The following GLT1D1 variants were observed in gnomAD, a reference collection of about 807,000 sequenced individuals.
The protein encoded by GLT1D1 is glycosyltransferase 1 domain containing 1, also known as glycosyltransferase 1 domain-containing protein 1.
A neutral mutation model predicts 28.7 loss-of-function variants in GLT1D1; 21 were observed. The ratio of observed to expected loss-of-function variants is 0.73; its 90% CI spans 0.52 to 1.05. The LOEUF is 1.05. Ranked by LOEUF, GLT1D1 falls within the 50% of genes least tolerant of loss-of-function variation. The pLI is 0.00. For synonymous variants in GLT1D1, 147 were observed against 124.8 expected (o/e 1.18, Z -1.19); for missense variants, 343 against 330.6 (o/e 1.04, Z -0.29).
chr12:128,913,686 CT>C (rs1348770808), intron 4 of GLT1D1, among the ~76,000 whole-genome samples: 4 of 152,204 alleles, frequency 2.6e-5, no homozygotes, highest in African/African-American at 7.2e-5. Flanking sequence ...TCAGGCGCAC[CT>C]TAGTGAGGCA....
chr12:128,978,187 G>C (rs141652009), intron 7 of GLT1D1, among the ~76,000 whole-genome samples: 2 of 152,074 alleles, frequency 1.3e-5, no homozygotes, highest in African/African-American at 4.8e-5. Flanking sequence ...GTGCGTGTGT[G>C]TGGCTGTCAG....
chr12:128,960,066 G>A (rs900119850), intron 7 of GLT1D1, among the ~76,000 whole-genome samples: 13 of 152,152 alleles, frequency 8.5e-5, no homozygotes, highest in Non-Finnish European at 1.9e-4. Flanking sequence ...GATGTATTCA[G>A]GTCATTTCTG....
intron 4 of GLT1D1, among the ~76,000 whole-genome samples, chr12:128,942,736 TTTG>T (rs1209157824): frequency 2.3e-5 from 2 of 88,062 alleles, no homozygotes; most frequent in Admixed American, 2.9e-4. Flanking sequence ...ATTTTCTTTG[TTTG>T]TTTGTTTTTG....
intron 2 of GLT1D1, among the ~76,000 whole-genome samples, chr12:128,881,616 T>C (rs1957063848): frequency 8.9e-6 from 1 of 111,916 alleles, no homozygotes; most frequent in Admixed American, 1.2e-4. Flanking sequence ...TATAGATACA[T>C]AAAATAAATA....
intron 1 of GLT1D1, among the ~76,000 whole-genome samples, chr12:128,862,761 T>A (rs1305867244): frequency 6.6e-6 from 1 of 152,238 alleles, no homozygotes; most frequent in Non-Finnish European, 1.5e-5. Flanking sequence ...GTCCCTGTCC[T>A]CAGGAGGCAG....
rs1873933981 is a variant in GLT1D1 at position 128,931,903 on chromosome 12, G to GCACA, written c.376-13417_376-13414dup. Among the ~76,000 whole-genome samples, 6 of 137,842 alleles carry GCACA rather than the reference G, an allele frequency of 4.4e-5. No individual in the cohort carries two copies. The South Asian group carries it at 1.1e-3, about 26-fold the overall frequency. The allele number at this position is 137,842 out of a possible 152,430, so 90.4% of individuals were successfully genotyped here. A position where few individuals can be genotyped will look rare whatever the true frequency, so the allele number is the denominator to read the frequency against. On this transcript the variant is annotated intron_variant, in intron 4 of 7. Coordinates refer to ENST00000281703, the MANE Select transcript of GLT1D1 (RefSeq NM_144669.3). ...ACACTGTGTTCATGTGAGGATATGT[G>GCACA]CACACACACGCACGCACACACACAC...
intron 4 of GLT1D1, among the ~76,000 whole-genome samples, chr12:128,911,627 T>C (rs1184003441): frequency 1.3e-5 from 2 of 152,212 alleles, no homozygotes; most frequent in Non-Finnish European, 2.9e-5. Flanking sequence ...GTCCTTGGCA[T>C]GGACTTGCTC....
chr12:128,944,333 A>C (rs557313481), intron 4 of GLT1D1: 1 of 741,262 alleles, frequency 1.3e-6, no homozygotes, highest in East Asian at 2.9e-5. Context: ...GCATATCCAC[A>C]GGGCCAAATC....
At chr12:128,898,058 G>T (rs1197051285) in intron 3 of GLT1D1, among the ~76,000 whole-genome samples, 1 of 152,050 alleles carries the variant, frequency 6.6e-6, no homozygotes, top group Non-Finnish European at 1.5e-5. Context: ...TGCCAACACT[G>T]TTTTAATTGT....
chr12:128,907,828 A>T (rs1566121819), intron 4 of GLT1D1, among the ~76,000 whole-genome samples: 1 of 152,204 alleles, frequency 6.6e-6, no homozygotes, highest in Non-Finnish European at 1.5e-5. Context: ...CCGGGGCTCA[A>T]ATGTGTGGTA....
At chr12:128,879,446 CTTTCTTTCTTTCTTTT>C (rs1566096781) in intron 2 of GLT1D1, among the ~76,000 whole-genome samples, 4 of 103,874 alleles carry the variant, frequency 3.9e-5, no homozygotes, top group Non-Finnish European at 8.0e-5. Context: ...TTCTTTCTTT[CTTTCTTTCTTTCTTTT>C]TTTTGGGGGG....
intron 4 of GLT1D1, among the ~76,000 whole-genome samples, chr12:128,907,303 CTTTTTT>C (rs11341281): frequency 4.3e-5 from 5 of 115,714 alleles, no homozygotes; most frequent in Admixed American, 8.5e-5. Flanking sequence ...GGAAGCTAAT[CTTTTTT>C]TTTTTTTTTT....
chr12:128,938,367 T>G (rs959740710), intron 4 of GLT1D1, among the ~76,000 whole-genome samples: 8 of 152,228 alleles, frequency 5.3e-5, no homozygotes, highest in African/African-American at 1.9e-4. Context: ...TTGAAATAGA[T>G]TTCTAGGAAT....
intron 4 of GLT1D1, among the ~76,000 whole-genome samples, chr12:128,915,783 G>A (rs12579680): frequency 0.5 from 75,723 of 152,074 alleles, 20,156 homozygotes; most frequent in Non-Finnish European, 0.6. Flanking sequence ...AAAAGACAAA[G>A]TCAAGCTTCA....
chr12:128,854,129 CT>C (rs999898777), intron 1 of GLT1D1, among the ~76,000 whole-genome samples: 1 of 152,214 alleles, frequency 6.6e-6, no homozygotes, highest in Non-Finnish European at 1.5e-5. Flanking sequence ...CCCACCTCCC[CT>C]CTGCCCTGTC....
intron 7 of GLT1D1, among the ~76,000 whole-genome samples, chr12:128,977,368 T>A (rs545473032): frequency 1.3e-5 from 2 of 152,272 alleles, no homozygotes; most frequent in Non-Finnish European, 2.9e-5. Context: ...TATTATTATT[T>A]AACATCACAA....
At chr12:128,956,090 C>A (rs976751701) in intron 6 of GLT1D1, among the ~76,000 whole-genome samples, 6 of 141,232 alleles carry the variant, frequency 4.2e-5, no homozygotes, top group Admixed American at 3.0e-4. Flanking sequence ...ACCCGAGAGG[C>A]GGAGCTTACA....
At chr12:128,947,557 A>G (rs1229497274) in intron 6 of GLT1D1, 99 bp downstream of exon 10, 3 of 1,408,872 alleles carry the variant, frequency 2.1e-6, no homozygotes. Context: ...AACATTCTGC[A>G]CTTCTCAAAG....
intron 6 of GLT1D1, among the ~76,000 whole-genome samples, chr12:128,952,890 T>G (rs1157038187): frequency 5.9e-5 from 9 of 151,390 alleles, no homozygotes; most frequent in Non-Finnish European, 1.0e-4. Context: ...GTGATTCTTG[T>G]GCCTTAGCCT....
Sources: gnomAD v4.1 joint callset for allele counts (sites outside exome capture counted in the v4.1 genomes callset) on GRCh38, gnomAD v4.1.1 for gene constraint, MANE v1.5 for transcripts, NCBI Gene and HGNC (gene_info 2026-07-23, HGNC 2026-07-21) for gene names.